KCNJ12: variants seen among roughly 807,000 people sequenced by gnomAD.
KCNJ12 encodes ATP-sensitive inward rectifier potassium channel 12.
A neutral mutation model predicts 22.3 loss-of-function variants in KCNJ12; 2 were observed. That is an observed-to-expected ratio of 0.09 (90% CI 0.04 to 0.28). KCNJ12 has a LOEUF of 0.28. Among genes scored for constraint, KCNJ12 ranks in the 10% least tolerant of loss-of-function variants. The probability of loss-of-function intolerance (pLI) is 1.00; values close to 1 mark genes in which losing one functional copy is unlikely to be tolerated. For missense variants in KCNJ12, 155 were observed against 633.3 expected (o/e 0.24, Z 8.11); for synonymous variants, 117 against 261.4 (o/e 0.45, Z 5.33).
chr17:21,401,155 G>A (rs1416648682), intron 1 of KCNJ12, among the ~76,000 whole-genome samples: 3 of 152,242 alleles, frequency 2.0e-5, no homozygotes, highest in Non-Finnish European at 2.9e-5. Flanking sequence ...TGCTTTGCCC[G>A]GCCCCCTTGC....
intron 1 of KCNJ12, among the ~76,000 whole-genome samples, chr17:21,378,996 C>T (rs116009310): frequency 7.8e-4 from 119 of 152,308 alleles, no homozygotes; most frequent in African/African-American, 2.8e-3. Context: ...CAGATGCCTT[C>T]ACCTAGCTCT....
chr17:21,381,280 G>T (rs2144760521), intron 1 of KCNJ12, among the ~76,000 whole-genome samples: 1 of 152,278 alleles, frequency 6.6e-6, no homozygotes, highest in South Asian at 2.1e-4. Flanking sequence ...GGCTTGGAGA[G>T]GGGCCAGGGA....
At chr17:21,397,101 T>C (rs782807339) in intron 1 of KCNJ12, among the ~76,000 whole-genome samples, 2 of 152,354 alleles carry the variant, frequency 1.3e-5, no homozygotes, top group Non-Finnish European at 2.9e-5. Context: ...GGAGGGCAGA[T>C]GCTTGGCAGT....
chr17:21,388,683 G>A (rs1241190196), intron 1 of KCNJ12, among the ~76,000 whole-genome samples: 2 of 152,206 alleles, frequency 1.3e-5, no homozygotes, highest in Non-Finnish European at 2.9e-5. Flanking sequence ...CTTACCCAGC[G>A]GCGGCTGGTG....
intron 1 of KCNJ12, among the ~76,000 whole-genome samples, chr17:21,382,843 A>G (rs534277124): frequency 6.6e-6 from 1 of 152,320 alleles, no homozygotes. Flanking sequence ...ACCAGGTAAC[A>G]TGAGGACTGG....
intron 1 of KCNJ12, among the ~76,000 whole-genome samples, chr17:21,397,226 ACT>A (rs1182369543): frequency 3.3e-5 from 5 of 152,090 alleles, no homozygotes; most frequent in African/African-American, 1.2e-4. Context: ...ATAATAGCAG[ACT>A]CTTCCCTGCA....
intron 1 of KCNJ12, among the ~76,000 whole-genome samples, chr17:21,383,792 C>T (rs1303773977): frequency 1.3e-5 from 2 of 152,138 alleles, no homozygotes; most frequent in Non-Finnish European, 2.9e-5. Flanking sequence ...CAGCAGGTGG[C>T]TGGGGATGTG....
In KCNJ12 at chr17:21,377,641, C is replaced by G. The variant is rs2144753387; in HGVS notation, c.-179+728C>G. ...GGGAGCGGGGCGGGAATCAGGGGCT[C>G]ATGGGCAGAGACAGCTGGGGTGGGG... On this transcript the variant is annotated intron_variant, in intron 1 of 2. Coordinates refer to ENST00000583088, the MANE Select transcript of KCNJ12 (RefSeq NM_021012.5). Among the ~76,000 whole-genome samples the G allele has an allele frequency of 2.6e-5, 4 of 152,004 alleles. No homozygotes were observed. In the East Asian group the frequency reaches 7.8e-4, roughly 30 times the overall value.
In KCNJ12 at chr17:21,416,669, T is replaced by A. The variant is rs1906844805; in HGVS notation, c.*25T>A. 6.4e-7 allele frequency: 1 copy of A among 1,563,536 alleles called. No individual in the cohort carries two copies. ...AGCCAACCTTGGCCGACATGCAGCA[T>A]CCACCCCCGGCTGGGGAGAGGCCCC... On this transcript the variant is annotated 3_prime_UTR_variant, in exon 3 of 3. Coordinates refer to ENST00000583088, the MANE Select transcript of KCNJ12 (RefSeq NM_021012.5).
intron 2 of KCNJ12, among the ~76,000 whole-genome samples, chr17:21,410,294 C>T (rs2142072940): frequency 6.6e-6 from 1 of 152,380 alleles, no homozygotes; most frequent in East Asian, 1.9e-4. Flanking sequence ...CGGCTCAGAG[C>T]CTCAGTCTCC....
intron 1 of KCNJ12, among the ~76,000 whole-genome samples, chr17:21,383,161 G>A (rs995378383): frequency 6.6e-6 from 1 of 152,234 alleles, no homozygotes; most frequent in South Asian, 2.1e-4. Context: ...AAGGGGGATG[G>A]AGTGGCCTGG....
chr17:21,390,634 C>T (rs566042815), intron 1 of KCNJ12, among the ~76,000 whole-genome samples: 1 of 152,216 alleles, frequency 6.6e-6, no homozygotes, highest in African/African-American at 2.4e-5. Context: ...TTCCTTCCCT[C>T]CTTTCTTGTA....
chr17:21,415,221 C>G (rs1906628719), intron 2 of KCNJ12, 66 bp from the exon 3 acceptor site: 1 of 1,481,170 alleles, frequency 6.8e-7, no homozygotes, highest in Non-Finnish European at 9.1e-7. Context: ...TCTGGGGGCC[C>G]TGGGATGGGG....
chr17:21,381,119 C>G (rs1555557866), intron 1 of KCNJ12, among the ~76,000 whole-genome samples: 1 of 152,198 alleles, frequency 6.6e-6, no homozygotes, highest in African/African-American at 2.4e-5. Context: ...CTTGGCTGTG[C>G]ATTAATGCTG....
At position 21,393,782 on chromosome 17, in the gene KCNJ12, G is replaced by A. The variant is rs376253086; in HGVS notation, c.-178-14737G>A. Among the ~76,000 whole-genome samples, 21 of 152,302 alleles carry A rather than the reference G, an allele frequency of 1.4e-4. No homozygotes were observed. The East Asian group carries it at 2.5e-3, about 18-fold the overall frequency. On this transcript the variant is annotated intron_variant, in intron 1 of 2. Transcript: ENST00000583088. Reference sequence around the variant, plus strand: ...ATCCCATGTGTTTGACACCAGCCCCGTGCCCCCAGGCCTTCACCGCCCGCC... The same window carrying A: ...ATCCCATGTGTTTGACACCAGCCCCATGCCCCCAGGCCTTCACCGCCCGCC...
At chr17:21,411,792 G>A (rs1906363433) in intron 2 of KCNJ12, among the ~76,000 whole-genome samples, 1 of 152,310 alleles carries the variant, frequency 6.6e-6, no homozygotes, top group African/African-American at 2.4e-5. Context: ...TGTGTCCCTG[G>A]TGGAGGATAT....
In KCNJ12 at chr17:21,415,751, T is replaced by A; in HGVS notation, c.409T>A (p.Ser137Thr). The A allele has an allele frequency of 6.2e-7, 1 of 1,612,972 alleles. No homozygotes were observed. The highest frequency in any genetic ancestry group is 8.5e-7 in the Non-Finnish European group (1 of 1,179,918). The part of the protein sequence containing the change: ...VHGFMAAFLF[S>T]IETQTTIGYG... The stretch of plus-strand genomic sequence containing the variant: ...CGGCTTCATGGCGGCCTTCCTCTTC[T>A]CCATCGAGACGCAGACCACCATCGG... The change falls in exon 3 of 3, where the codon TCC (serine) becomes ACC (threonine). Residue 137 changes from serine to threonine, a missense_variant. Coordinates refer to ENST00000583088, the MANE Select transcript of KCNJ12 (RefSeq NM_021012.5).
At chr17:21,400,561 T>A (rs1597568605) in intron 1 of KCNJ12, among the ~76,000 whole-genome samples, 1 of 152,302 alleles carries the variant, frequency 6.6e-6, no homozygotes, top group East Asian at 1.9e-4. Flanking sequence ...GAAAGACTTG[T>A]TTATGGAATG....
chr17:21,414,965 C>G (rs1906609893), intron 2 of KCNJ12, among the ~76,000 whole-genome samples: 1 of 152,304 alleles, frequency 6.6e-6, no homozygotes, highest in Non-Finnish European at 1.5e-5. Context: ...CAAGTTGTGC[C>G]CCGAACTGGC....
Sources: allele counts gnomAD v4.1 joint callset (sites outside exome capture counted in the v4.1 genomes callset), GRCh38; gene constraint gnomAD v4.1.1; transcripts MANE v1.5; gene names NCBI Gene and HGNC (gene_info 2026-07-23, HGNC 2026-07-21).